DNM3: variants seen among roughly 807,000 people sequenced by gnomAD.
The protein encoded by DNM3 is dynamin 3, also known as dynamin-3.
In DNM3, 47 loss-of-function variants were observed where a neutral mutation model predicts 101.6. The observed-to-expected ratio is 0.46, with a 90% CI of 0.37 to 0.59. DNM3 has a LOEUF of 0.59. Ranked by LOEUF, DNM3 falls within the 20% of genes least tolerant of loss-of-function variation. The pLI, the probability that DNM3 is intolerant of heterozygous loss-of-function variation, is 0.00. For synonymous variants in DNM3, 385 were observed against 387.9 expected, an observed-to-expected ratio of 0.99 and a Z score of 0.09; for missense variants, 849 against 1,085.7, an observed-to-expected ratio of 0.78 and a Z score of 3.06.
In DNM3 at chr1:172,051,548, T is replaced by C. The variant is rs181800499; in HGVS notation, c.1335+2798T>C. Among the ~76,000 whole-genome samples, 878 of 152,330 alleles carry C rather than the reference T, an allele frequency of 5.8e-3. 8 individuals are homozygous for C. The highest frequency in any genetic ancestry group is 0.01 in the Admixed American group (156 of 15,302). On this transcript the variant is annotated intron_variant, in intron 10 of 20. Transcript: ENST00000627582. Reference sequence around the variant, plus strand: ...CATCAAAAAATGTTTTACTAGGAAATTGTAAACCTTAAAGGGCCTGCAGAA... The same window carrying C: ...CATCAAAAAATGTTTTACTAGGAAACTGTAAACCTTAAAGGGCCTGCAGAA...
At chr1:172,354,200 T>C (rs1448709074) in intron 17 of DNM3, among the ~76,000 whole-genome samples, 1 of 151,094 alleles carries the variant, frequency 6.6e-6, no homozygotes, top group Non-Finnish European at 1.5e-5. Context: ...GACAAAATGT[T>C]GTAGAAAAAA....
chr1:171,965,220 G>A (rs1419912319), intron 2 of DNM3, among the ~76,000 whole-genome samples: 1 of 151,958 alleles, frequency 6.6e-6, no homozygotes, highest in Non-Finnish European at 1.5e-5. Flanking sequence ...GTATTTCAGG[G>A]AAACACTTTT....
Position 172,387,406 on chromosome 1 carries a change from C to T in DNM3, c.2285+47C>T, listed in dbSNP as rs776505232. 5.2e-6 allele frequency: 8 copies of T among 1,524,604 alleles called. No individual in the cohort carries two copies. In the East Asian group the frequency reaches 1.9e-4, roughly 36 times the overall value. The allele number at this position is 1,524,604 out of a possible 1,614,324, so 94.4% of individuals were successfully genotyped here. A position where few individuals can be genotyped will look rare whatever the true frequency, so the allele number is the denominator to read the frequency against. The stretch of plus-strand genomic sequence containing the variant: ...GGTGCGGTGGCTCGCTCCTGTAATC[C>T]CAGCACTTTGAGAGGCCGAGGCGGG... On this transcript the variant is annotated intron_variant, in intron 19 of 20. Transcript: ENST00000627582.
intron 13 of DNM3, among the ~76,000 whole-genome samples, chr1:172,127,607 C>T (rs996397621): frequency 1.3e-5 from 2 of 151,668 alleles, no homozygotes; most frequent in Admixed American, 6.6e-5. Context: ...GATAGGGTTT[C>T]ACCATGTTAT....
chr1:172,196,085 G>T (rs1168778455), intron 14 of DNM3, among the ~76,000 whole-genome samples: 1 of 151,468 alleles, frequency 6.6e-6, no homozygotes, highest in Non-Finnish European at 1.5e-5. Context: ...TAGACCCAGT[G>T]TCTCTTGTTT....
At chr1:172,383,022 C>A (rs2068999975) in intron 18 of DNM3, among the ~76,000 whole-genome samples, 1 of 152,022 alleles carries the variant, frequency 6.6e-6, no homozygotes. Context: ...TTTAAATGTT[C>A]ATTATTTTAG....
intron 1 of DNM3, among the ~76,000 whole-genome samples, chr1:171,862,335 A>G (rs1349034655): frequency 6.6e-6 from 1 of 152,238 alleles, no homozygotes; most frequent in Non-Finnish European, 1.5e-5. Flanking sequence ...GGAAACACCC[A>G]AATGCCCACC....
chr1:172,149,802 AAT>A (rs2058060005), intron 14 of DNM3, among the ~76,000 whole-genome samples: 2 of 152,148 alleles, frequency 1.3e-5, no homozygotes, highest in African/African-American at 4.8e-5. Flanking sequence ...GTATGTGCAT[AAT>A]ATAAGGACAC....
intron 2 of DNM3, among the ~76,000 whole-genome samples, chr1:171,963,290 A>G (rs2043338822): frequency 6.6e-6 from 1 of 152,190 alleles, no homozygotes; most frequent in Admixed American, 6.6e-5. Flanking sequence ...AAAGCTACAT[A>G]TTGTATGATT....
intron 14 of DNM3, among the ~76,000 whole-genome samples, chr1:172,145,492 A>G (rs2057843492): frequency 6.6e-6 from 1 of 151,796 alleles, no homozygotes; most frequent in South Asian, 2.1e-4. Context: ...CTTGAACAGT[A>G]ATTATAGCAA....
intron 14 of DNM3, among the ~76,000 whole-genome samples, chr1:172,165,974 G>C (rs1056508064): frequency 6.6e-6 from 1 of 152,044 alleles, no homozygotes. Flanking sequence ...ATAATAAAAA[G>C]ATTTCTTAAG....
At chr1:171,966,787 C>G (rs1315498923) in intron 2 of DNM3, among the ~76,000 whole-genome samples, 1 of 152,164 alleles carries the variant, frequency 6.6e-6, no homozygotes, top group Non-Finnish European at 1.5e-5. Flanking sequence ...GAATTTGGCT[C>G]TTTAAATCAA....
At chr1:172,083,279 G>T (rs547878479) in intron 12 of DNM3, among the ~76,000 whole-genome samples, 15 of 141,184 alleles carry the variant, frequency 1.1e-4, no homozygotes, top group African/African-American at 4.4e-4. Flanking sequence ...ATAGTGGGTG[G>T]GGGGGGAATG....
At chr1:171,922,353 A>G (rs972738299) in intron 2 of DNM3, among the ~76,000 whole-genome samples, 6 of 150,736 alleles carry the variant, frequency 4.0e-5, no homozygotes, top group Non-Finnish European at 5.9e-5. Flanking sequence ...ATGATGTTGA[A>G]TTTTTTTTTC....
rs187112874 is a variant in DNM3 at position 172,337,006 on chromosome 1, A to G, written c.1893+13666A>G. On this transcript the variant is annotated intron_variant, in intron 17 of 20. Transcript: ENST00000627582. The stretch of plus-strand genomic sequence containing the variant: ...CTCAAAATGTATTGGCTATCTTCCA[A>G]TGTATCGGCTATCATTATTTTTTGT... Among the ~76,000 whole-genome samples the G allele has an allele frequency of 1.5e-3, 229 of 152,350 alleles. 2 individuals carry two copies. Among genetic ancestry groups the G allele is most frequent in the Non-Finnish European group, 2.8e-3 (191 of 68,040 alleles).
chr1:172,115,839 G>A (rs1357069252), intron 13 of DNM3, among the ~76,000 whole-genome samples: 3 of 152,060 alleles, frequency 2.0e-5, no homozygotes, highest in African/African-American at 7.2e-5. Context: ...ATCTCACTTA[G>A]ATTGCTTCGT....
At chr1:172,350,922 C>T (rs1343965409) in intron 17 of DNM3, among the ~76,000 whole-genome samples, 5 of 152,142 alleles carry the variant, frequency 3.3e-5, no homozygotes, top group Non-Finnish European at 7.4e-5. Context: ...TTCCAAGTCT[C>T]CCAGAGACAA....
chr1:172,056,416 G>C (rs1160246204), intron 10 of DNM3, among the ~76,000 whole-genome samples: 4 of 152,214 alleles, frequency 2.6e-5, no homozygotes, highest in Non-Finnish European at 5.9e-5. Flanking sequence ...AAAGACAGCA[G>C]TAACCTCTGC....
chr1:172,161,352 G>A (rs530200814), intron 14 of DNM3, among the ~76,000 whole-genome samples: 12 of 151,938 alleles, frequency 7.9e-5, no homozygotes, highest in East Asian at 3.9e-4. Context: ...ATCATGGGCC[G>A]TTTCTCAGCC....
Sources: gnomAD v4.1 joint callset for allele counts (sites outside exome capture counted in the v4.1 genomes callset) on GRCh38, gnomAD v4.1.1 for gene constraint, MANE v1.5 for transcripts, NCBI Gene and HGNC (gene_info 2026-07-23, HGNC 2026-07-21) for gene names.